Variants in SLC4A8 observed in about 807,000 individuals in gnomAD.
SLC4A8 encodes the protein solute carrier family 4 member 8, also known as electroneutral sodium bicarbonate exchanger 1.
In SLC4A8, 40 loss-of-function variants were observed where a neutral mutation model predicts 125.0. The observed-to-expected ratio is 0.32, with a 90% CI of 0.25 to 0.42. The LOEUF (loss-of-function observed/expected upper bound fraction) is 0.42. Among genes scored for constraint, SLC4A8 ranks in the 10% least tolerant of loss-of-function variants. The pLI, the probability that SLC4A8 is intolerant of heterozygous loss-of-function variation, is 1.00. For missense variants in SLC4A8, 863 were observed against 1,355.1 expected (o/e 0.64, Z 5.70); for synonymous variants, 456 against 476.0 (o/e 0.96, Z 0.55).
At position 51,445,634 on chromosome 12, in the gene SLC4A8, C is replaced by T. The variant is rs1458436247; in HGVS notation, c.130+4845C>T. On this transcript the variant is annotated intron_variant, in intron 2 of 24. Coordinates refer to ENST00000453097, the MANE Select transcript of SLC4A8 (RefSeq NM_001039960.3). Reference sequence around the variant, plus strand: ...CCCCAGAACCAGCTCTGCACATTCCCACCTTAGGACCTGTGCACTTGATCT... The same window carrying T: ...CCCCAGAACCAGCTCTGCACATTCCTACCTTAGGACCTGTGCACTTGATCT... Among the ~76,000 whole-genome samples the T allele has an allele frequency of 3.3e-5, 5 of 152,072 alleles. No homozygotes were observed. In the South Asian group the frequency reaches 8.3e-4, roughly 25 times the overall value.
At chr12:51,410,738 G>A (rs1044476658) in intron 1 of SLC4A8, among the ~76,000 whole-genome samples, 1 of 152,158 alleles carries the variant, frequency 6.6e-6, no homozygotes, top group Non-Finnish European at 1.5e-5. Flanking sequence ...GGGATTACAG[G>A]TGTGAGTCAC....
chr12:51,400,781 T>TATAC (rs1948369889), intron 1 of SLC4A8, among the ~76,000 whole-genome samples: 2 of 6,986 alleles, frequency 2.9e-4, no homozygotes, highest in Non-Finnish European at 4.8e-4. Context: ...TATATATACA[T>TATAC]ACATACACAC....
chr12:51,396,333 C>G, intron 1 of SLC4A8, among the ~76,000 whole-genome samples: 1 of 152,152 alleles, frequency 6.6e-6, no homozygotes, highest in Non-Finnish European at 1.5e-5. Context: ...CTCATCCAGA[C>G]ACCCATAGTT....
intron 1 of SLC4A8, among the ~76,000 whole-genome samples, chr12:51,432,712 ACT>A (rs1221159417): frequency 2.0e-5 from 3 of 152,090 alleles, no homozygotes; most frequent in African/African-American, 7.2e-5. Flanking sequence ...ACAGAGCGAG[ACT>A]CTGTCTCAAA....
intron 1 of SLC4A8, among the ~76,000 whole-genome samples, chr12:51,419,223 G>A (rs868055928): frequency 6.6e-6 from 1 of 152,302 alleles, no homozygotes; most frequent in African/African-American, 2.4e-5. Flanking sequence ...GACTTCAAAT[G>A]TTCTATGTAC....
intron 2 of SLC4A8, among the ~76,000 whole-genome samples, chr12:51,448,098 A>G (rs973200738): frequency 6.6e-6 from 1 of 152,170 alleles, no homozygotes; most frequent in Non-Finnish European, 1.5e-5. Context: ...CACTGAATGT[A>G]TAATTGGTAT....
chr12:51,474,319 A>G (rs1358702338), intron 14 of SLC4A8, 23 bp from the exon 15 acceptor site: 1 of 1,472,730 alleles, frequency 6.8e-7, no homozygotes, highest in Admixed American at 1.7e-5. Context: ...TTCCTCAGGA[A>G]TCTTTTTAAT....
intron 15 of SLC4A8, 115 bp downstream of exon 15, chr12:51,474,562 G>C: frequency 6.9e-7 from 1 of 1,459,280 alleles, no homozygotes; most frequent in Non-Finnish European, 9.1e-7. Flanking sequence ...CCGAAATAAA[G>C]CTTTTTAAAA....
chr12:51,504,658 C>A (rs1180149732), intron 23 of SLC4A8, among the ~76,000 whole-genome samples: 2 of 152,122 alleles, frequency 1.3e-5, no homozygotes. Context: ...GCATGAAATC[C>A]AATGCTTGGG....
intron 11 of SLC4A8, among the ~76,000 whole-genome samples, chr12:51,468,323 A>C (rs959333749): frequency 6.6e-6 from 1 of 152,208 alleles, no homozygotes; most frequent in East Asian, 1.9e-4. Flanking sequence ...TCTTGAATCC[A>C]TCCACTTCTC....
intron 1 of SLC4A8, chr12:51,425,529 C>A: frequency 4.2e-6 from 3 of 716,850 alleles, no homozygotes; most frequent in East Asian, 1.3e-4. Flanking sequence ...GATAGGGTGA[C>A]CCGGTTTGTG....
chr12:51,452,265 G>A lies in SLC4A8; in HGVS notation c.413+6G>A. The A allele has an allele frequency of 1.9e-6, 3 of 1,614,178 alleles. No homozygotes were observed. The highest frequency in any genetic ancestry group is 2.2e-5 in the South Asian group (2 of 91,078). On this transcript the variant is annotated splice_donor_region_variant and intron_variant, in intron 4 of 24. Coordinates refer to ENST00000453097, the MANE Select transcript of SLC4A8 (RefSeq NM_001039960.3). Reference sequence around the variant, plus strand: ...GAGTGGAAGGAAACAGCCAGGTGAGGCCCTAAAATGGCCTGCATCAAGATC... The same window carrying A: ...GAGTGGAAGGAAACAGCCAGGTGAGACCCTAAAATGGCCTGCATCAAGATC...
At chr12:51,439,784 T>C (rs1304872226) in intron 1 of SLC4A8, among the ~76,000 whole-genome samples, 1 of 152,176 alleles carries the variant, frequency 6.6e-6, no homozygotes, top group Non-Finnish European at 1.5e-5. Flanking sequence ...ACATGTGGAA[T>C]GGATGAATAA....
intron 22 of SLC4A8, among the ~76,000 whole-genome samples, chr12:51,498,127 C>T (rs1937653552): frequency 6.6e-6 from 1 of 150,980 alleles, no homozygotes; most frequent in Non-Finnish European, 1.5e-5. Context: ...TAAGCTTCAA[C>T]AATTATAAAA....
chr12:51,451,063 G>A (rs1565785552), intron 3 of SLC4A8, 41 bp downstream of exon 3: 1 of 1,409,488 alleles, frequency 7.1e-7, no homozygotes, highest in Non-Finnish European at 9.3e-7. Flanking sequence ...CATGGCCCAG[G>A]GGAATGGGGA....
Position 51,453,637 on chromosome 12 carries a change from G to A in SLC4A8, c.512G>A (p.Ser171Asn), listed in dbSNP as rs536361168. The A allele has an allele frequency of 1.2e-6, 2 of 1,614,200 alleles. No homozygotes were observed. The highest frequency in any genetic ancestry group is 3.3e-5 in the Admixed American group (2 of 60,030). Residue 171 changes from serine (S) to asparagine (N), a missense_variant, in exon 5 of 25, where the codon AGC becomes AAC. Ser to Asn is a conservative substitution (Grantham distance 46, BLOSUM62 1). Transcript: ENST00000453097. The part of the protein sequence containing the change: ...LSLHSLFELR[S>N]CLINGTVLLD... Reference sequence around the variant, plus strand: ...TTGCACAGCCTGTTTGAGCTAAGGAGCTGCCTTATTAATGGAACAGTCCTC... The same window carrying A: ...TTGCACAGCCTGTTTGAGCTAAGGAACTGCCTTATTAATGGAACAGTCCTC...
At position 51,499,350 on chromosome 12, in the gene SLC4A8, C is replaced by A. The variant is rs1004960197; in HGVS notation, c.3081+2226C>A. On this transcript the variant is annotated intron_variant, in intron 22 of 24. Coordinates refer to ENST00000453097, the MANE Select transcript of SLC4A8 (RefSeq NM_001039960.3). ...ACACACACGTGCATGTGTGCACCCCCCACACACGTGAAAAAGATTGGAAGA... is the reference window on the plus strand; with the variant it reads ...ACACACACGTGCATGTGTGCACCCCACACACACGTGAAAAAGATTGGAAGA... 5.3e-5 allele frequency among the ~76,000 whole-genome samples: 8 copies of A among 151,256 alleles called. No homozygotes were observed. The East Asian group carries it at 7.8e-4, about 15-fold the overall frequency.
intron 1 of SLC4A8, among the ~76,000 whole-genome samples, chr12:51,430,332 C>T (rs772073721): frequency 2.0e-5 from 3 of 151,926 alleles, no homozygotes; most frequent in Non-Finnish European, 4.4e-5. Flanking sequence ...ATTTGCTGAG[C>T]GAATGAATGA....
Position 51,475,143 on chromosome 12 carries a change from C to A in SLC4A8, c.2109C>A (p.Phe703Leu), listed in dbSNP as rs1302072825. 6.2e-7 allele frequency: 1 copy of A among 1,614,174 alleles called. No homozygotes were observed. The highest frequency in any genetic ancestry group is 8.5e-7 in the Non-Finnish European group (1 of 1,180,000). ...TCTTTTGGTCCTGTATTCTCTTTTT[C>A]ACCACCTTCATCCTCTCAAGCACCT... ...DVLFWSCILF[F>L]TTFILSSTLK... is the part of the protein sequence containing the mutation. Residue 703 changes from phenylalanine to leucine, a missense_variant, in exon 16 of 25, where the codon TTC becomes TTA. This residue lies in a region of SLC4A8 where 197 missense variants were observed against 377.7 expected (regional missense o/e 0.52). Coordinates refer to ENST00000453097, the MANE Select transcript of SLC4A8 (RefSeq NM_001039960.3).
Sources: gnomAD v4.1 joint callset for allele counts (sites outside exome capture counted in the v4.1 genomes callset) on GRCh38, gnomAD v4.1.1 for gene constraint, gnomAD v4.1.1 regional missense constraint, MANE v1.5 for transcripts, NCBI Gene and HGNC (gene_info 2026-07-23, HGNC 2026-07-21) for gene names.